Variants in CDYL2 observed in about 807,000 individuals in gnomAD.
CDYL2 encodes the protein chromodomain Y like 2, also known as chromodomain Y-like protein 2.
A neutral mutation model predicts 49.4 loss-of-function variants in CDYL2; 23 were observed. The observed-to-expected ratio is 0.47, with a 90% confidence interval of 0.34 to 0.66. The LOEUF (loss-of-function observed/expected upper bound fraction) is 0.66. CDYL2 is among the 30% of genes least tolerant of loss of function. CDYL2 has a pLI of 0.01. For missense variants in CDYL2, 678 were observed against 656.4 expected (o/e 1.03, Z -0.36); for synonymous variants, 360 against 268.8 (o/e 1.34, Z -3.32).
intron 1 of CDYL2, among the ~76,000 whole-genome samples, chr16:80,783,208 G>C (rs1597131933): frequency 6.6e-6 from 1 of 152,152 alleles, no homozygotes; most frequent in Non-Finnish European, 1.5e-5. Context: ...AGGCAAAGAA[G>C]TTGAATAAGT....
At chr16:80,735,848 T>A (rs1320335088) in intron 1 of CDYL2, among the ~76,000 whole-genome samples, 1 of 152,154 alleles carries the variant, frequency 6.6e-6, no homozygotes, top group East Asian at 1.9e-4. Context: ...TTTCAGAGAA[T>A]GTTTTGGTCC....
intron 2 of CDYL2, among the ~76,000 whole-genome samples, chr16:80,679,037 T>C (rs1909868062): frequency 6.9e-6 from 1 of 144,148 alleles, no homozygotes; most frequent in South Asian, 2.2e-4. Context: ...CTGCATATTC[T>C]CACTCATAGG....
intron 5 of CDYL2, among the ~76,000 whole-genome samples, chr16:80,609,616 G>A (rs1203572615): frequency 1.3e-5 from 2 of 152,160 alleles, no homozygotes; most frequent in Non-Finnish European, 2.9e-5. Flanking sequence ...GGGGCAAATG[G>A]CCATATCTGC....
intron 2 of CDYL2, among the ~76,000 whole-genome samples, chr16:80,656,664 T>A (rs1268626208): frequency 6.6e-6 from 1 of 152,212 alleles, no homozygotes; most frequent in African/African-American, 2.4e-5. Flanking sequence ...ACTCACGTGC[T>A]GACACCGTGC....
chr16:80,751,004 AGT>A (rs929727759), intron 1 of CDYL2, among the ~76,000 whole-genome samples: 1 of 147,726 alleles, frequency 6.8e-6, no homozygotes, highest in Non-Finnish European at 1.5e-5. Context: ...TGGGCGACAG[AGT>A]GAGATTCCAT....
At chr16:80,628,722 C>G (rs1041591853) in intron 3 of CDYL2, among the ~76,000 whole-genome samples, 1 of 152,194 alleles carries the variant, frequency 6.6e-6, no homozygotes, top group Non-Finnish European at 1.5e-5. Context: ...GCATACTTAC[C>G]ATCTTTATAT....
chr16:80,725,364 T>C (rs1355591458), intron 1 of CDYL2, among the ~76,000 whole-genome samples: 1 of 152,150 alleles, frequency 6.6e-6, no homozygotes, highest in East Asian at 1.9e-4. Context: ...TTACAACACT[T>C]ATTGCAACAG....
intron 1 of CDYL2, among the ~76,000 whole-genome samples, chr16:80,708,188 T>C (rs945962910): frequency 2.6e-5 from 4 of 152,184 alleles, no homozygotes; most frequent in Non-Finnish European, 5.9e-5. Flanking sequence ...TATCTTGTCA[T>C]ATGGTTTGGC....
chr16:80,646,464 T>A lies in CDYL2; in HGVS notation c.617-13228A>T, dbSNP rs969913726. ...AACATTGAATGTGAATGTACTAAAC[T>A]CTTCAATCAAAAGACAGAGTGGCTG... On this transcript the variant is annotated intron_variant, in intron 2 of 6. Coordinates refer to ENST00000570137, the MANE Select transcript of CDYL2 (RefSeq NM_152342.4). 3.3e-5 allele frequency among the ~76,000 whole-genome samples: 5 copies of A among 152,192 alleles called. No individual in the cohort carries two copies. The East Asian group carries it at 7.7e-4, about 24-fold the overall frequency.
At chr16:80,685,284 G>A (rs1910145993) in intron 1 of CDYL2, among the ~76,000 whole-genome samples, 155 bp from the exon 2 acceptor site, 1 of 152,200 alleles carries the variant, frequency 6.6e-6, no homozygotes, top group Admixed American at 6.5e-5. Context: ...GCCAACACTG[G>A]CAGGAGGGTT....
At chr16:80,638,289 G>T (rs1597140642) in intron 2 of CDYL2, among the ~76,000 whole-genome samples, 1 of 152,156 alleles carries the variant, frequency 6.6e-6, no homozygotes, top group Admixed American at 6.5e-5. Flanking sequence ...TGCCTAGGCT[G>T]GTCTCAAATT....
intron 2 of CDYL2, among the ~76,000 whole-genome samples, chr16:80,661,436 T>C (rs1019003442): frequency 2.0e-5 from 3 of 152,172 alleles, no homozygotes; most frequent in African/African-American, 7.2e-5. Flanking sequence ...GCTGAGTGCC[T>C]ACTATGGGAT....
intron 1 of CDYL2, among the ~76,000 whole-genome samples, chr16:80,740,321 G>A (rs2142550674): frequency 6.6e-6 from 1 of 152,150 alleles, no homozygotes; most frequent in East Asian, 1.9e-4. Context: ...CTTCTACGGT[G>A]GAGGAGGTTG....
At chr16:80,674,829 G>A (rs941668190) in intron 2 of CDYL2, among the ~76,000 whole-genome samples, 1 of 152,198 alleles carries the variant, frequency 6.6e-6, no homozygotes, top group Non-Finnish European at 1.5e-5. Flanking sequence ...TCATCAGTTG[G>A]TGAAGATCTT....
At chr16:80,710,395 A>T (rs1904555064) in intron 1 of CDYL2, among the ~76,000 whole-genome samples, 1 of 152,212 alleles carries the variant, frequency 6.6e-6, no homozygotes, top group Non-Finnish European at 1.5e-5. Context: ...CATATCTTTG[A>T]ACCAAGTAAT....
At chr16:80,722,686 T>A (rs2142527484) in intron 1 of CDYL2, among the ~76,000 whole-genome samples, 1 of 152,300 alleles carries the variant, frequency 6.6e-6, no homozygotes, top group Middle Eastern at 3.4e-3. Flanking sequence ...CAGGCCCTTT[T>A]CAAAACACCA....
chr16:80,754,503 G>A (rs935713392), intron 1 of CDYL2, among the ~76,000 whole-genome samples: 2 of 152,186 alleles, frequency 1.3e-5, no homozygotes, highest in African/African-American at 4.8e-5. Flanking sequence ...AGAACCGTCA[G>A]ACCCATTATG....
At chr16:80,666,593 A>G (rs1018034149) in intron 2 of CDYL2, among the ~76,000 whole-genome samples, 1 of 152,234 alleles carries the variant, frequency 6.6e-6, no homozygotes, top group Admixed American at 6.5e-5. Context: ...AACAATCACC[A>G]GATGAGCCAA....
chr16:80,707,124 C>G (rs1359700613), intron 1 of CDYL2, among the ~76,000 whole-genome samples: 1 of 152,112 alleles, frequency 6.6e-6, no homozygotes, highest in African/African-American at 2.4e-5. Context: ...ATGGTTCTAC[C>G]TGGTATTGCA....
Sources: allele counts gnomAD v4.1 joint callset (sites outside exome capture counted in the v4.1 genomes callset), GRCh38; gene constraint gnomAD v4.1.1; transcripts MANE v1.5; gene names NCBI Gene and HGNC (gene_info 2026-07-23, HGNC 2026-07-21).